The following MORC1 variants were observed in gnomAD, a reference collection of about 807,000 sequenced individuals.
MORC1 encodes MORC family CW-type zinc finger 1.
A neutral mutation model predicts 134.9 loss-of-function variants in MORC1; 59 were observed. The observed-to-expected ratio is 0.44, with a 90% CI of 0.35 to 0.54. MORC1 has a LOEUF of 0.54. Among genes scored for constraint, MORC1 ranks in the 20% least tolerant of loss-of-function variants. The pLI, the probability that MORC1 is intolerant of heterozygous loss-of-function variation, is 0.00. For missense variants in MORC1, 947 were observed against 1,134.5 expected, an observed-to-expected ratio of 0.83 and a Z score of 2.37; for synonymous variants, 395 against 391.7, an observed-to-expected ratio of 1.01 and a Z score of -0.10.
chr3:109,014,339 AGTATTATAG>A (rs990744871), intron 17 of MORC1, among the ~76,000 whole-genome samples: 1 of 152,144 alleles, frequency 6.6e-6, no homozygotes, highest in African/African-American at 2.4e-5. Context: ...CAAGATTTTG[AGTATTATAG>A]GTTCTCAACA....
At position 108,959,117 on chromosome 3, in the gene MORC1, C is replaced by T. The variant is rs111640728; in HGVS notation, c.2803G>A (p.Gly935Ser). The T allele has an allele frequency of 6.4e-7, 1 of 1,574,452 alleles. No individual in the cohort carries two copies. The highest frequency in any genetic ancestry group is 8.6e-7 in the Non-Finnish European group (1 of 1,165,046). ...ALLLQKLQLG[G>S]PEGDLEQTDT... ...GTCTGCTCCAGGTCACCTTCTGGACCACCCTGGAAAAGAGAAGCAACAGTC... is the reference window on the plus strand; with the variant it reads ...GTCTGCTCCAGGTCACCTTCTGGACTACCCTGGAAAAGAGAAGCAACAGTC... Residue 935 changes from glycine (G) to serine (S), a missense_variant, in exon 28 of 28, where the codon GGT becomes AGT. By Grantham distance (56) the Gly-to-Ser change is moderately conservative (BLOSUM62 0). This residue lies in a region of MORC1 where 722 missense variants were observed against 817.0 expected (regional missense o/e 0.88). Coordinates refer to ENST00000232603, the MANE Select transcript of MORC1 (RefSeq NM_014429.4).
At chr3:109,108,741 CA>C (rs573089683) in intron 3 of MORC1, among the ~76,000 whole-genome samples, 5 of 150,750 alleles carry the variant, frequency 3.3e-5, no homozygotes, top group Non-Finnish European at 7.4e-5. Context: ...ACTAAAAATA[CA>C]AAAAAAAATT....
chr3:109,094,466 A>G (rs78251032), intron 7 of MORC1, among the ~76,000 whole-genome samples: 4,974 of 152,290 alleles, frequency 0.033, 254 homozygotes, highest in African/African-American at 0.11. Flanking sequence ...TGGGGAAAAG[A>G]TCTGTTAATC....
At chr3:109,088,720 C>G (rs567286036) in intron 8 of MORC1, among the ~76,000 whole-genome samples, 6 of 152,172 alleles carry the variant, frequency 3.9e-5, no homozygotes, top group South Asian at 2.1e-4. Context: ...GGTATATACC[C>G]AGAATAATAT....
chr3:108,997,499 C>G (rs371563711), intron 21 of MORC1, among the ~76,000 whole-genome samples: 1 of 152,042 alleles, frequency 6.6e-6, no homozygotes, highest in Non-Finnish European at 1.5e-5. Flanking sequence ...CACAGGGAGA[C>G]TCTGTCTCAA....
At chr3:109,040,847 A>AAAG (rs1553753800) in intron 14 of MORC1, among the ~76,000 whole-genome samples, 2 of 149,122 alleles carry the variant, frequency 1.3e-5, no homozygotes, top group African/African-American at 4.9e-5. Context: ...AAAAAAAAAA[A>AAAG]AAAGAAAGAA....
intron 27 of MORC1, among the ~76,000 whole-genome samples, chr3:108,962,892 G>A (rs1947118660): frequency 1.3e-5 from 2 of 152,098 alleles, no homozygotes; most frequent in South Asian, 4.1e-4. Flanking sequence ...CTAAGATTAA[G>A]AGGATTTTTA....
intron 26 of MORC1, among the ~76,000 whole-genome samples, chr3:108,966,453 G>C (rs938422258): frequency 6.6e-6 from 1 of 152,130 alleles, no homozygotes. Flanking sequence ...AATCAACTTT[G>C]ATTCAACACG....
rs186625159 is a variant in MORC1 at position 109,098,963 on chromosome 3, G to A, written c.423+395C>T. On this transcript the variant is annotated intron_variant, in intron 6 of 27. Transcript: ENST00000232603. ...TGAAATTATGGTCACCAGAGTTACA[G>A]TTTTAAGTCTATTTTGCATTAATTT... 1.8e-3 allele frequency among the ~76,000 whole-genome samples: 271 copies of A among 152,240 alleles called. 1 individual carries two copies. Among genetic ancestry groups the A allele is most frequent in the Non-Finnish European group, 3.0e-3 (201 of 67,988 alleles).
At chr3:109,094,487 T>C (rs1950790713) in intron 7 of MORC1, among the ~76,000 whole-genome samples, 2 of 152,218 alleles carry the variant, frequency 1.3e-5, no homozygotes, top group South Asian at 2.1e-4. Context: ...TGGAGAAGAA[T>C]GTCTGCAATA....
At chr3:109,009,141 T>C (rs1948620209) in intron 17 of MORC1, among the ~76,000 whole-genome samples, 1 of 151,982 alleles carries the variant, frequency 6.6e-6, no homozygotes, top group Admixed American at 6.6e-5. Flanking sequence ...TGATCCCTAG[T>C]AGTTTCCTCA....
intron 14 of MORC1, among the ~76,000 whole-genome samples, chr3:109,051,895 G>C (rs535321310): frequency 6.6e-6 from 1 of 151,880 alleles, no homozygotes; most frequent in Non-Finnish European, 1.5e-5. Flanking sequence ...AAGGGGCTTC[G>C]AGAGAGCTCC....
intron 19 of MORC1, 45 bp from the exon 20 acceptor site, chr3:109,004,933 C>A (rs776244328): frequency 6.1e-5 from 97 of 1,594,304 alleles, no homozygotes; most frequent in Non-Finnish European, 7.1e-5. Context: ...AAATTGGGAC[C>A]TTGTCCAGGA....
At chr3:109,026,131 C>T (rs1237622509) in intron 17 of MORC1, among the ~76,000 whole-genome samples, 1 of 152,108 alleles carries the variant, frequency 6.6e-6, no homozygotes, top group East Asian at 1.9e-4. Context: ...ACCACAAAAG[C>T]AGGGTCAGTT....
At chr3:109,001,174 C>A (rs1421005801) in intron 20 of MORC1, among the ~76,000 whole-genome samples, 1 of 151,672 alleles carries the variant, frequency 6.6e-6, no homozygotes, top group Admixed American at 6.6e-5. Context: ...GCTCTTTCAC[C>A]CAGGCTGGAG....
intron 26 of MORC1, among the ~76,000 whole-genome samples, chr3:108,968,326 T>TCA (rs1176221736): frequency 6.6e-6 from 1 of 152,216 alleles, no homozygotes; most frequent in Non-Finnish European, 1.5e-5. Flanking sequence ...CAGTTGTTTA[T>TCA]CACCGTCCAG....
chr3:109,051,230 T>C (rs1949818778), intron 14 of MORC1, among the ~76,000 whole-genome samples: 1 of 152,140 alleles, frequency 6.6e-6, no homozygotes, highest in South Asian at 2.1e-4. Context: ...CCTCTCCATT[T>C]CTCTTTTTGC....
intron 14 of MORC1, among the ~76,000 whole-genome samples, chr3:109,045,661 G>A (rs1280170385): frequency 6.6e-6 from 1 of 152,192 alleles, no homozygotes; most frequent in African/African-American, 2.4e-5. Flanking sequence ...ATATTCAGTG[G>A]TGGTGAAGAT....
rs117078790 is a variant in MORC1 at position 109,105,208 on chromosome 3, C to T, written c.155-1291G>A. On this transcript the variant is annotated intron_variant, in intron 3 of 27. Transcript: ENST00000232603. ...GACCAGCCTGGCCAACATAGTGAGA[C>T]CTTATGGCCACTAAAAATTAAAAAT... Among the ~76,000 whole-genome samples, 28 of 152,048 alleles carry T rather than the reference C, an allele frequency of 1.8e-4. 1 individual carries two copies. The East Asian group carries it at 5.2e-3, about 28-fold the overall frequency.
Sources: allele counts gnomAD v4.1 joint callset (sites outside exome capture counted in the v4.1 genomes callset), GRCh38; gene constraint gnomAD v4.1.1; regional missense constraint gnomAD v4.1.1; transcripts MANE v1.5; gene names NCBI Gene and HGNC (gene_info 2026-07-23, HGNC 2026-07-21).